SPECC1: variants seen among roughly 807,000 people sequenced by gnomAD.
The protein encoded by SPECC1 is sperm antigen with calponin homology and coiled-coil domains 1, also known as cytospin-B.
Under a neutral mutation model 104.1 loss-of-function variants are expected in SPECC1, and 62 were observed. The observed-to-expected ratio is 0.60, with a 90% CI of 0.49 to 0.74. The LOEUF is 0.74. Ranked by LOEUF, SPECC1 falls within the 30% of genes least tolerant of loss-of-function variation. SPECC1 has a pLI of 0.00. For missense variants in SPECC1, 1,306 were observed against 1,310.5 expected, an observed-to-expected ratio of 1.00 and a Z score of 0.05; for synonymous variants, 513 against 501.6, an observed-to-expected ratio of 1.02 and a Z score of -0.30.
At chr17:20,235,590 A>G (rs1262823029) in intron 7 of SPECC1, among the ~76,000 whole-genome samples, 2 of 152,182 alleles carry the variant, frequency 1.3e-5, no homozygotes, top group African/African-American at 2.4e-5. Context: ...TGAGCAGTGC[A>G]TGGCACAGGC....
At chr17:20,277,578 C>T (rs1485172406) in intron 12 of SPECC1, among the ~76,000 whole-genome samples, 2 of 152,090 alleles carry the variant, frequency 1.3e-5, no homozygotes, top group African/African-American at 2.4e-5. Flanking sequence ...GTAAAATACA[C>T]ATAACATGAA....
chr17:20,212,649 G>C (rs1489257708), intron 4 of SPECC1, among the ~76,000 whole-genome samples: 1 of 152,170 alleles, frequency 6.6e-6, no homozygotes, highest in Non-Finnish European at 1.5e-5. Context: ...AGATTTAGGT[G>C]GGGAGGCAGC....
At chr17:20,151,150 A>G (rs768059595) in intron 3 of SPECC1, among the ~76,000 whole-genome samples, 10 of 152,230 alleles carry the variant, frequency 6.6e-5, no homozygotes, top group Non-Finnish European at 1.5e-5. Flanking sequence ...TTTAGAAATT[A>G]CAGACAGTCC....
chr17:20,238,638 AT>A (rs1380784745), intron 7 of SPECC1: 3 of 1,040,484 alleles, frequency 2.9e-6, no homozygotes, highest in Non-Finnish European at 3.5e-6. Flanking sequence ...TCTCTGTAAA[AT>A]TTACTTAGAT....
chr17:20,012,403 A>G (rs1454426901), intron 1 of SPECC1, among the ~76,000 whole-genome samples: 1 of 151,732 alleles, frequency 6.6e-6, no homozygotes, highest in Non-Finnish European at 1.5e-5. Context: ...TATGTTTAAT[A>G]TATATTTTTC....
chr17:20,048,082 C>A (rs1369170282), intron 1 of SPECC1, among the ~76,000 whole-genome samples: 1 of 152,040 alleles, frequency 6.6e-6, no homozygotes, highest in African/African-American at 2.4e-5. Context: ...TTGCTTTAAC[C>A]TCTCACTAAG....
intron 3 of SPECC1, among the ~76,000 whole-genome samples, chr17:20,192,801 A>G (rs2035759518): frequency 6.6e-6 from 1 of 152,152 alleles, no homozygotes; most frequent in Non-Finnish European, 1.5e-5. Flanking sequence ...GAGTGAAGTT[A>G]TGTGCTGTGA....
At chr17:20,176,729 C>T (rs2151204569) in intron 3 of SPECC1, among the ~76,000 whole-genome samples, 1 of 152,242 alleles carries the variant, frequency 6.6e-6, no homozygotes, top group South Asian at 2.1e-4. Flanking sequence ...CTTGGGCTGT[C>T]ATCACATCTC....
chr17:20,105,832 G>A (rs1471563437), intron 2 of SPECC1, among the ~76,000 whole-genome samples: 1 of 152,196 alleles, frequency 6.6e-6, no homozygotes, highest in Non-Finnish European at 1.5e-5. Flanking sequence ...ATGGAAGGGG[G>A]CAGGGCAAGC....
At chr17:20,074,799 G>C (rs977592261) in intron 1 of SPECC1, among the ~76,000 whole-genome samples, 11 of 152,216 alleles carry the variant, frequency 7.2e-5, no homozygotes, top group Admixed American at 6.5e-4. Flanking sequence ...AGGCAGGAGA[G>C]GGGGTGCAAA....
At chr17:20,127,463 G>A (rs1440243415) in intron 3 of SPECC1, among the ~76,000 whole-genome samples, 2 of 111,992 alleles carry the variant, frequency 1.8e-5, no homozygotes, top group South Asian at 6.0e-4. Context: ...TTTTTTTTGA[G>A]ACAGACTCTC....
At chr17:20,089,484 C>G (rs1340361132) in intron 1 of SPECC1, among the ~76,000 whole-genome samples, 1 of 151,672 alleles carries the variant, frequency 6.6e-6, no homozygotes, top group East Asian at 1.9e-4. Context: ...AAAAATTAGC[C>G]AGGCGTGGTG....
intron 14 of SPECC1, among the ~76,000 whole-genome samples, chr17:20,310,054 T>G (rs1289840791): frequency 6.6e-6 from 1 of 152,092 alleles, no homozygotes; most frequent in Non-Finnish European, 1.5e-5. Flanking sequence ...ACTCCTGACC[T>G]CAGGTGATCC....
chr17:20,232,133 T>C, intron 6 of SPECC1, 67 bp from the exon 7 acceptor site: 10 of 1,581,404 alleles, frequency 6.3e-6, no homozygotes, highest in Non-Finnish European at 8.7e-6. Flanking sequence ...ACGGGGACTC[T>C]GGGGTCCCTG....
chr17:20,314,020 T>A lies in SPECC1; in HGVS notation c.3162T>A (p.Ser1054Arg). 6.2e-7 allele frequency: 1 copy of A among 1,613,976 alleles called. No homozygotes were observed. Among genetic ancestry groups the A allele is most frequent in the African/African-American group, 1.3e-5 (1 of 74,970 alleles). Residue 1054 changes from serine (S) to arginine (R), a missense_variant, in exon 15 of 15, where the codon AGT becomes AGA. Around this residue, in one of 2 missense-constraint regions of SPECC1, gnomAD observed 129 missense variants for 170.6 expected, o/e 0.76. Transcript: ENST00000395527. ...MLYTDRPDWQ[S>R]VMQYVAQIYK... ...ACACAGACCGGCCCGACTGGCAGAG[T>A]GTGATGCAGTACGTGGCCCAAATCT...
intron 3 of SPECC1, among the ~76,000 whole-genome samples, chr17:20,124,763 CAT>C (rs1278620346): frequency 1.3e-5 from 2 of 152,160 alleles, no homozygotes; most frequent in African/African-American, 4.8e-5. Flanking sequence ...TCAGAACACT[CAT>C]ATGAGCCTAC....
At chr17:20,179,102 T>C (rs1441523142) in intron 3 of SPECC1, among the ~76,000 whole-genome samples, 1 of 55,322 alleles carries the variant, frequency 1.8e-5, no homozygotes, top group Non-Finnish European at 2.9e-5. Flanking sequence ...TGATTTTGGT[T>C]GGCTAATAAA....
intron 1 of SPECC1, among the ~76,000 whole-genome samples, chr17:20,043,964 G>T (rs1419264182): frequency 6.6e-6 from 1 of 152,172 alleles, no homozygotes; most frequent in African/African-American, 2.4e-5. Context: ...GGAGCCAGGA[G>T]AGTATCTTTT....
intron 3 of SPECC1, among the ~76,000 whole-genome samples, chr17:20,126,999 CAT>C (rs1019397828): frequency 6.6e-6 from 1 of 152,234 alleles, no homozygotes; most frequent in African/African-American, 2.4e-5. Context: ...TTCCATGTCA[CAT>C]ATGTTATCTC....
Sources: allele counts gnomAD v4.1 joint callset (sites outside exome capture counted in the v4.1 genomes callset), GRCh38; gene constraint gnomAD v4.1.1; regional missense constraint gnomAD v4.1.1; transcripts MANE v1.5; gene names NCBI Gene and HGNC (gene_info 2026-07-23, HGNC 2026-07-21).